Variants in OCA2 observed in about 807,000 individuals in gnomAD.
OCA2 encodes OCA2 melanosomal transmembrane protein, also known as P protein.
A neutral mutation model predicts 100.2 loss-of-function variants in OCA2; 77 were observed. The observed-to-expected ratio is 0.77, with a 90% CI of 0.64 to 0.93. The LOEUF (loss-of-function observed/expected upper bound fraction) is 0.93. OCA2 is among the 40% of genes least tolerant of loss of function. OCA2 has a pLI of 0.00. For missense variants in OCA2, 1,062 were observed against 1,089.1 expected, an observed-to-expected ratio of 0.98 and a Z score of 0.35; for synonymous variants, 432 against 439.2, an observed-to-expected ratio of 0.98 and a Z score of 0.21.
intron 2 of OCA2, among the ~76,000 whole-genome samples, chr15:28,044,657 C>A (rs2043297360): frequency 6.6e-6 from 1 of 152,184 alleles, no homozygotes; most frequent in Admixed American, 6.5e-5. Flanking sequence ...TTCTTGTGTT[C>A]TATCAGTTTT....
intron 19 of OCA2, among the ~76,000 whole-genome samples, chr15:27,877,643 C>T (rs990643944): frequency 5.9e-5 from 9 of 151,870 alleles, no homozygotes; most frequent in African/African-American, 2.2e-4. Context: ...TACCTGCATG[C>T]TATGTATTTT....
intron 9 of OCA2, among the ~76,000 whole-genome samples, chr15:28,007,898 C>T (rs1158339586): frequency 6.6e-6 from 1 of 152,184 alleles, no homozygotes; most frequent in Non-Finnish European, 1.5e-5. Context: ...CCTGGCTGAT[C>T]CTTTGTTCCC....
intron 15 of OCA2, among the ~76,000 whole-genome samples, chr15:27,960,612 C>G (rs575733838): frequency 5.9e-5 from 9 of 152,054 alleles, no homozygotes; most frequent in Admixed American, 3.9e-4. Context: ...ATCTATCTAT[C>G]TATCTATGTA....
chr15:27,805,478 G>A (rs1327619583), intron 23 of OCA2, among the ~76,000 whole-genome samples: 2 of 152,204 alleles, frequency 1.3e-5, no homozygotes, highest in African/African-American at 2.4e-5. Context: ...AACCAACCCC[G>A]AATCTCCAGG....
chr15:27,971,665 T>C (rs2040797310), intron 14 of OCA2, among the ~76,000 whole-genome samples: 1 of 152,096 alleles, frequency 6.6e-6, no homozygotes, highest in Non-Finnish European at 1.5e-5. Context: ...CGTGCAGCAA[T>C]GGTAGGTGGC....
chr15:27,945,858 T>G (rs577005489), intron 18 of OCA2, among the ~76,000 whole-genome samples: 5 of 152,336 alleles, frequency 3.3e-5, no homozygotes, highest in African/African-American at 1.2e-4. Flanking sequence ...AGGCTCTGAA[T>G]TTTAAGGCCA....
intron 9 of OCA2, among the ~76,000 whole-genome samples, chr15:27,992,077 C>G (rs1002461153): frequency 6.7e-6 from 1 of 148,478 alleles, no homozygotes; most frequent in Admixed American, 6.7e-5. Context: ...TCTGTTCGTT[C>G]TCTGCTTTTC....
intron 2 of OCA2, among the ~76,000 whole-genome samples, chr15:28,080,611 G>A (rs1879226846): frequency 1.3e-5 from 2 of 152,234 alleles, no homozygotes; most frequent in African/African-American, 4.8e-5. Flanking sequence ...GGAGCGGGCA[G>A]GATGACAGCA....
At chr15:28,007,193 G>C (rs1253148324) in intron 9 of OCA2, among the ~76,000 whole-genome samples, 4 of 152,212 alleles carry the variant, frequency 2.6e-5, no homozygotes, top group African/African-American at 9.7e-5. Flanking sequence ...AATACCAGGG[G>C]TTGGATGGAA....
intron 23 of OCA2, among the ~76,000 whole-genome samples, chr15:27,843,240 G>A (rs1322239674): frequency 1.3e-5 from 2 of 152,100 alleles, no homozygotes. Context: ...GCCTTCCAGG[G>A]CTGCAGAAGT....
rs34141095 is a variant in OCA2 at position 27,966,695 on chromosome 15, A to C, written c.1631T>G (p.Ile544Ser). ...RKLYNKEPSE[I>S]VELKHEIHVW... ...GAGGTTGCACTTGTACTCACCAACAATCTCACTGGGTTCCTTGTTATAAAG... is the reference window on the plus strand; with the variant it reads ...GAGGTTGCACTTGTACTCACCAACACTCTCACTGGGTTCCTTGTTATAAAG... Residue 544 changes from isoleucine (I) to serine (S), a missense_variant, in exon 15 of 24, where the codon ATT (isoleucine) becomes AGT (serine). Ile to Ser is a moderately radical substitution (Grantham distance 142, BLOSUM62 -2). Coordinates refer to ENST00000354638, the MANE Select transcript of OCA2 (RefSeq NM_000275.3). The C allele has an allele frequency of 1.2e-6, 2 of 1,614,060 alleles. No individual in the cohort carries two copies. The highest frequency in any genetic ancestry group is 2.7e-5 in the African/African-American group (2 of 75,060).
intron 23 of OCA2, among the ~76,000 whole-genome samples, chr15:27,815,331 G>A (rs1006514829): frequency 4.6e-5 from 7 of 152,148 alleles, no homozygotes; most frequent in African/African-American, 1.4e-4. Flanking sequence ...GTGCCCAGAC[G>A]GTGCATCTGC....
chr15:27,896,178 C>G, intron 19 of OCA2: 2 of 908,016 alleles, frequency 2.2e-6, no homozygotes, highest in Non-Finnish European at 3.6e-6. Flanking sequence ...TTTTGGTGCC[C>G]TGAAGAGAGC....
intron 23 of OCA2, among the ~76,000 whole-genome samples, chr15:27,788,708 T>C (rs1341697826): frequency 6.6e-6 from 1 of 152,170 alleles, no homozygotes; most frequent in Non-Finnish European, 1.5e-5. Flanking sequence ...ATATTTACAT[T>C]CAATGTAATT....
At chr15:28,054,230 A>G (rs1359278308) in intron 2 of OCA2, among the ~76,000 whole-genome samples, 1 of 152,076 alleles carries the variant, frequency 6.6e-6, no homozygotes, top group Non-Finnish European at 1.5e-5. Context: ...GTATGTGTGT[A>G]TGCATATATA....
chr15:27,748,994 C>T, the OCA2 span, among the ~76,000 whole-genome samples: 2 of 151,750 alleles, frequency 1.3e-5, no homozygotes, highest in Non-Finnish European at 2.9e-5. Flanking sequence ...GACTGTAATT[C>T]AACATTTGTA....
At chr15:27,793,498 T>C (rs186768328) in intron 23 of OCA2, among the ~76,000 whole-genome samples, 14 of 152,324 alleles carry the variant, frequency 9.2e-5, no homozygotes, top group African/African-American at 3.1e-4. Context: ...AAAATGGTGA[T>C]TCTTCAGGTG....
chr15:28,062,605 T>G (rs2043908210), intron 2 of OCA2, among the ~76,000 whole-genome samples: 1 of 152,230 alleles, frequency 6.6e-6, no homozygotes, highest in Non-Finnish European at 1.5e-5. Context: ...TTTGTGCTTT[T>G]AGCATCAAAT....
intron 9 of OCA2, among the ~76,000 whole-genome samples, chr15:28,002,109 A>G (rs1424247433): frequency 6.6e-6 from 1 of 152,210 alleles, no homozygotes; most frequent in African/African-American, 2.4e-5. Context: ...AAGACTTTCA[A>G]GGTTGGGCAG....
Sources: allele counts gnomAD v4.1 joint callset (sites outside exome capture counted in the v4.1 genomes callset), GRCh38; gene constraint gnomAD v4.1.1; transcripts MANE v1.5; gene names NCBI Gene and HGNC (gene_info 2026-07-23, HGNC 2026-07-21).